The following TTLL5 variants were observed in gnomAD, a reference collection of about 807,000 sequenced individuals.
TTLL5 encodes the protein tubulin tyrosine ligase like 5, also known as tubulin polyglutamylase TTLL5.
Under a neutral mutation model 168.4 loss-of-function variants are expected in TTLL5, and 132 were observed. The ratio of observed to expected loss-of-function variants is 0.78; its 90% CI spans 0.68 to 0.91. TTLL5 has a LOEUF of 0.91. Among genes scored for constraint, TTLL5 ranks in the 40% least tolerant of loss-of-function variants. TTLL5 has a pLI of 0.00. For synonymous variants in TTLL5, 546 were observed against 558.6 expected (o/e 0.98, Z 0.32); for missense variants, 1,545 against 1,581.5 (o/e 0.98, Z 0.39).
At chr14:75,813,593 G>A (rs1056925158) in intron 27 of TTLL5, among the ~76,000 whole-genome samples, 5 of 152,124 alleles carry the variant, frequency 3.3e-5, no homozygotes, top group East Asian at 1.9e-4. Flanking sequence ...GTGAGCCACC[G>A]TGCCTGGCCC....
chr14:75,835,009 A>G (rs776042857), intron 28 of TTLL5, among the ~76,000 whole-genome samples: 5 of 152,192 alleles, frequency 3.3e-5, no homozygotes, highest in Admixed American at 6.5e-5. Context: ...TTGAGGCTGC[A>G]GTGAATCATG....
At chr14:75,672,514 A>G (rs933498309) in intron 3 of TTLL5, among the ~76,000 whole-genome samples, 21 of 152,144 alleles carry the variant, frequency 1.4e-4, no homozygotes, top group African/African-American at 5.1e-4. Context: ...AAGTGCTGGG[A>G]TTATAGGCAT....
intron 29 of TTLL5, among the ~76,000 whole-genome samples, chr14:75,880,107 A>G (rs971152176): frequency 2.0e-5 from 3 of 152,166 alleles, no homozygotes; most frequent in African/African-American, 4.8e-5. Flanking sequence ...TTTTTTGTGT[A>G]TACTTCCAGA....
chr14:75,718,282 A>G (rs1566826285), intron 10 of TTLL5, among the ~76,000 whole-genome samples: 1 of 152,208 alleles, frequency 6.6e-6, no homozygotes, highest in Non-Finnish European at 1.5e-5. Context: ...AAATGAGGTC[A>G]TTTCAGCACT....
chr14:75,952,964 A>G (rs529348824), intron 31 of TTLL5, among the ~76,000 whole-genome samples: 1 of 152,362 alleles, frequency 6.6e-6, no homozygotes, highest in African/African-American at 2.4e-5. Flanking sequence ...CTCTGAATAT[A>G]ATATACTAAA....
intron 31 of TTLL5, among the ~76,000 whole-genome samples, chr14:75,912,018 C>G (rs572713043): frequency 1.1e-4 from 17 of 152,324 alleles, no homozygotes; most frequent in East Asian, 7.7e-4. Flanking sequence ...TGCAGCGTTG[C>G]TGAGAGAATC....
intron 31 of TTLL5, among the ~76,000 whole-genome samples, chr14:75,907,747 T>G (rs1387697629): frequency 1.3e-5 from 2 of 152,260 alleles, no homozygotes; most frequent in Non-Finnish European, 2.9e-5. Context: ...TTGGTAATTC[T>G]TAGCCAATGG....
chr14:75,829,608 G>A (rs964647120), intron 28 of TTLL5, among the ~76,000 whole-genome samples: 4 of 150,014 alleles, frequency 2.7e-5, no homozygotes, highest in Non-Finnish European at 5.9e-5. Flanking sequence ...TTTTAAAAGA[G>A]CATATGGGTT....
At chr14:75,812,671 C>T (rs1256415108) in intron 27 of TTLL5, among the ~76,000 whole-genome samples, 1 of 152,176 alleles carries the variant, frequency 6.6e-6, no homozygotes, top group Non-Finnish European at 1.5e-5. Flanking sequence ...CCATCAAAGG[C>T]ATTTCTGCTG....
intron 12 of TTLL5, among the ~76,000 whole-genome samples, chr14:75,724,252 A>G (rs1415126075): frequency 4.6e-5 from 7 of 152,100 alleles, no homozygotes; most frequent in East Asian, 3.9e-4. Flanking sequence ...ACCACCTGTA[A>G]TGTTCAACTA....
chr14:75,746,943 G>A (rs1055600352), intron 17 of TTLL5, among the ~76,000 whole-genome samples: 1 of 152,080 alleles, frequency 6.6e-6, no homozygotes, highest in Non-Finnish European at 1.5e-5. Flanking sequence ...GATTCATTGA[G>A]CTTCTTCATC....
intron 30 of TTLL5, among the ~76,000 whole-genome samples, chr14:75,894,949 G>A (rs1403569737): frequency 6.6e-6 from 1 of 152,118 alleles, no homozygotes; most frequent in African/African-American, 2.4e-5. Flanking sequence ...GGAGAAACTT[G>A]CAAATCATTA....
intron 12 of TTLL5, among the ~76,000 whole-genome samples, chr14:75,731,763 G>T (rs1276817865): frequency 2.0e-5 from 3 of 152,090 alleles, no homozygotes; most frequent in African/African-American, 7.2e-5. Context: ...TGTCTTCAAA[G>T]GGAAATTGAA....
At position 75,717,883 on chromosome 14, in the gene TTLL5, C is replaced by G. The variant is rs2140197725; in HGVS notation, c.763C>G (p.Gln255Glu). 1.2e-6 allele frequency: 2 copies of G among 1,613,774 alleles called. No homozygotes were observed. The highest frequency in any genetic ancestry group is 1.3e-5 in the African/African-American group (1 of 75,002). Residue 255 changes from glutamine to glutamate, a missense_variant, in exon 10 of 32, where the codon CAA becomes GAA. By Grantham distance (29) the Gln-to-Glu change is conservative. Coordinates refer to ENST00000298832, the MANE Select transcript of TTLL5 (RefSeq NM_015072.5). ...CAGGTTTGCAACTGTGCGATATGAT[C>G]AAGGAGCCAAGAACATTCGGAACCA... The part of the protein sequence containing the change: ...LARFATVRYD[Q>E]GAKNIRNQFM...
intron 27 of TTLL5, among the ~76,000 whole-genome samples, chr14:75,811,156 AGT>A (rs148883248): frequency 9.6e-4 from 112 of 116,624 alleles, no homozygotes; most frequent in Middle Eastern, 4.2e-3. Flanking sequence ...TGAAAGAAAG[AGT>A]GTGTGTGTGT....
chr14:75,872,760 A>T (rs2031139562), intron 29 of TTLL5, among the ~76,000 whole-genome samples: 1 of 151,720 alleles, frequency 6.6e-6, no homozygotes. Flanking sequence ...AAATACAAAA[A>T]ATTAGCTGTG....
At position 75,705,368 on chromosome 14, in the gene TTLL5, A is replaced by T. The variant is rs115987612; in HGVS notation, c.586-1650A>T. 1.4e-3 allele frequency among the ~76,000 whole-genome samples: 218 copies of T among 152,360 alleles called. 1 individual carries two copies. Among genetic ancestry groups the T allele is most frequent in the African/African-American group, 5.1e-3 (213 of 41,586 alleles). On this transcript the variant is annotated intron_variant, in intron 7 of 31. Transcript: ENST00000298832. Reference sequence around the variant, plus strand: ...GTCACAAAATTATCATATGAAAAACAGTAGTAGTATTGAGGGTAGGAAATG... The same window carrying T: ...GTCACAAAATTATCATATGAAAAACTGTAGTAGTATTGAGGGTAGGAAATG...
At chr14:75,692,467 C>A (rs1885534260) in intron 6 of TTLL5, among the ~76,000 whole-genome samples, 2 of 151,942 alleles carry the variant, frequency 1.3e-5, no homozygotes, top group Non-Finnish European at 2.9e-5. Flanking sequence ...TATGTTCTGG[C>A]CCTCCAGTGC....
chr14:75,699,298 T>G (rs369123219), intron 7 of TTLL5, 28 bp downstream of exon 7: 2 of 1,577,414 alleles, frequency 1.3e-6, no homozygotes, highest in Non-Finnish European at 1.7e-6. Context: ...GGCAAACCTC[T>G]CTCCTCACTT....
Sources: gnomAD v4.1 joint callset for allele counts (sites outside exome capture counted in the v4.1 genomes callset) on GRCh38, gnomAD v4.1.1 for gene constraint, MANE v1.5 for transcripts, NCBI Gene and HGNC (gene_info 2026-07-23, HGNC 2026-07-21) for gene names.